The following MAGI2 variants were observed in gnomAD, a reference collection of about 807,000 sequenced individuals.
MAGI2 encodes membrane-associated guanylate kinase, WW and PDZ domain-containing protein 2.
MAGI2 carries 35 observed loss-of-function variants against 133.3 expected under a neutral mutation model. The observed-to-expected ratio is 0.26, with a 90% CI of 0.20 to 0.35. MAGI2 has a LOEUF of 0.35. Among genes scored for constraint, MAGI2 ranks in the 10% least tolerant of loss-of-function variants. The pLI is 1.00. For synonymous variants in MAGI2, 729 were observed against 710.6 expected (o/e 1.03, Z -0.41); for missense variants, 1,636 against 1,863.4 (o/e 0.88, Z 2.25).
At chr7:79,424,622 A>G (rs1230951614) in intron 1 of MAGI2, among the ~76,000 whole-genome samples, 1 of 152,188 alleles carries the variant, frequency 6.6e-6, no homozygotes, top group Non-Finnish European at 1.5e-5. Flanking sequence ...TGGATTATCC[A>G]TTCCACAATG....
At chr7:78,853,161 T>C (rs1043545399) in intron 2 of MAGI2, among the ~76,000 whole-genome samples, 1 of 151,836 alleles carries the variant, frequency 6.6e-6, no homozygotes, top group Non-Finnish European at 1.5e-5. Context: ...CCAGGCACAG[T>C]GGCTCATGCC....
chr7:79,197,856 C>G (rs1828228057), intron 1 of MAGI2, among the ~76,000 whole-genome samples: 1 of 151,828 alleles, frequency 6.6e-6, no homozygotes, highest in African/African-American at 2.4e-5. Context: ...TATAAGGGCA[C>G]TAATATCATA....
At chr7:78,150,675 C>T (rs1823780925) in intron 16 of MAGI2, among the ~76,000 whole-genome samples, 1 of 152,124 alleles carries the variant, frequency 6.6e-6, no homozygotes, top group Admixed American at 6.6e-5. Context: ...GCTTTCAAGG[C>T]AACTGAATAG....
chr7:79,387,011 A>G (rs902149920), intron 1 of MAGI2, among the ~76,000 whole-genome samples: 16 of 115,500 alleles, frequency 1.4e-4, no homozygotes, highest in South Asian at 2.7e-4. Context: ...ACACACACAC[A>G]CGTTATATAT....
chr7:79,170,765 G>T (rs1028687198), intron 1 of MAGI2, among the ~76,000 whole-genome samples: 1 of 152,074 alleles, frequency 6.6e-6, no homozygotes. Flanking sequence ...AGATCTGTCA[G>T]CAGGTCAGCT....
chr7:79,358,297 A>T (rs889515541), intron 1 of MAGI2, among the ~76,000 whole-genome samples: 1 of 152,090 alleles, frequency 6.6e-6, no homozygotes, highest in African/African-American at 2.4e-5. Flanking sequence ...AATAAATGGA[A>T]TTTTTCTGAA....
intron 6 of MAGI2, among the ~76,000 whole-genome samples, chr7:78,434,627 C>T (rs1030540820): frequency 1.3e-5 from 2 of 152,058 alleles, no homozygotes; most frequent in African/African-American, 4.8e-5. Context: ...CTATATTATC[C>T]TTTTACCCTC....
At chr7:79,222,184 T>A (rs934749606) in intron 1 of MAGI2, among the ~76,000 whole-genome samples, 2 of 151,984 alleles carry the variant, frequency 1.3e-5, no homozygotes, top group Non-Finnish European at 1.5e-5. Context: ...AACAGAAAGG[T>A]TCATAATAGC....
chr7:78,807,252 G>A (rs1788653800), intron 2 of MAGI2, among the ~76,000 whole-genome samples: 1 of 151,984 alleles, frequency 6.6e-6, no homozygotes, highest in South Asian at 2.1e-4. Flanking sequence ...GATATTTATA[G>A]TATTAGACAT....
chr7:79,310,713 C>A (rs1838214100), intron 1 of MAGI2, among the ~76,000 whole-genome samples: 2 of 152,092 alleles, frequency 1.3e-5, no homozygotes, highest in Admixed American at 6.6e-5. Context: ...GAACATATAT[C>A]TATTCATTTG....
intron 2 of MAGI2, among the ~76,000 whole-genome samples, chr7:78,653,020 A>C (rs1029904769): frequency 6.6e-6 from 1 of 152,202 alleles, no homozygotes. Context: ...TGCGGTCAAC[A>C]AACATATGAA....
chr7:78,168,977 C>T (rs571824902), intron 14 of MAGI2, among the ~76,000 whole-genome samples: 10 of 152,306 alleles, frequency 6.6e-5, no homozygotes, highest in East Asian at 3.9e-4. Flanking sequence ...CTGTCCTCTA[C>T]GCAAAGGACA....
At position 78,686,105 on chromosome 7, in the gene MAGI2, G is replaced by A. The variant is rs542161221; in HGVS notation, c.419-58866C>T. On this transcript the variant is annotated intron_variant, in intron 2 of 21. Coordinates refer to ENST00000354212, the MANE Select transcript of MAGI2 (RefSeq NM_012301.4). ...CATTCTGAGAAGGTCATTATACATT[G>A]AAGATGAAATGTGATTTTTTTTTTC... 5.6e-5 allele frequency among the ~76,000 whole-genome samples: 7 copies of A among 126,024 alleles called. No individual in the cohort carries two copies. The East Asian group carries it at 1.5e-3, about 28-fold the overall frequency. The allele number at this position is 126,024 out of a possible 152,430, so 82.7% of individuals were successfully genotyped here. A position where few individuals can be genotyped will look rare whatever the true frequency, so the allele number is the denominator to read the frequency against.
In MAGI2 at chr7:78,767,628, A is replaced by C. The variant is rs369122251; in HGVS notation, c.419-140389T>G. Among the ~76,000 whole-genome samples, 11 of 152,342 alleles carry C rather than the reference A, an allele frequency of 7.2e-5. No individual in the cohort carries two copies. The East Asian group carries it at 1.9e-3, about 27-fold the overall frequency. On this transcript the variant is annotated intron_variant, in intron 2 of 21. Transcript: ENST00000354212. ...AGTGATAGAGAAAATGGATGTCAGA[A>C]AGCAGGCCATTACTACTTAAGATAT...
chr7:78,070,210 TATATATATACAC>T (rs1255959598), intron 21 of MAGI2, among the ~76,000 whole-genome samples: 47 of 55,436 alleles, frequency 8.5e-4, no homozygotes, highest in Middle Eastern at 0.012. Flanking sequence ...TATATATATA[TATATATATACAC>T]ACACACACAC....
chr7:78,489,861 T>A (rs372243656), intron 5 of MAGI2, 21 bp from the exon 6 acceptor site: 2 of 1,580,982 alleles, frequency 1.3e-6, no homozygotes, highest in Non-Finnish European at 1.7e-6. Flanking sequence ...AAGAGATCAC[T>A]CTGAACAGAC....
intron 2 of MAGI2, among the ~76,000 whole-genome samples, chr7:78,861,354 T>C (rs1249705303): frequency 6.6e-6 from 1 of 152,230 alleles, no homozygotes; most frequent in Non-Finnish European, 1.5e-5. Flanking sequence ...TTGGCCATCT[T>C]GGAACCTCTC....
chr7:79,449,262 G>A (rs1470088732), intron 1 of MAGI2, among the ~76,000 whole-genome samples: 2 of 152,032 alleles, frequency 1.3e-5, no homozygotes, highest in East Asian at 3.9e-4. Flanking sequence ...ATCTTTGAAA[G>A]GAGCAGTAGG....
chr7:78,276,627 A>G (rs1031391957), intron 9 of MAGI2, among the ~76,000 whole-genome samples: 18 of 70,676 alleles, frequency 2.5e-4, no homozygotes, highest in South Asian at 1.5e-3. Context: ...TTTACTGACT[A>G]TAGTTGATTA....
Sources: gnomAD v4.1 joint callset for allele counts (sites outside exome capture counted in the v4.1 genomes callset) on GRCh38, gnomAD v4.1.1 for gene constraint, MANE v1.5 for transcripts, NCBI Gene and HGNC (gene_info 2026-07-23, HGNC 2026-07-21) for gene names.